PDCD1LG2: variants seen among roughly 807,000 people sequenced by gnomAD.
PDCD1LG2 encodes programmed cell death 1 ligand 2, also known as B7 dendritic cell molecule.
Under a neutral mutation model 28.2 loss-of-function variants are expected in PDCD1LG2, and 32 were observed. That is an observed-to-expected ratio of 1.13 (90% CI 0.86 to 1.52). The LOEUF (loss-of-function observed/expected upper bound fraction) is 1.52. PDCD1LG2 is among the 40% of genes most tolerant of loss of function. The pLI is 0.00. For missense variants in PDCD1LG2, 385 were observed against 323.8 expected, an observed-to-expected ratio of 1.19 and a Z score of -1.45; for synonymous variants, 116 against 120.2, an observed-to-expected ratio of 0.97 and a Z score of 0.23.
At chr9:5,537,951 T>C (rs543638260) in intron 3 of PDCD1LG2, among the ~76,000 whole-genome samples, 1 of 152,334 alleles carries the variant, frequency 6.6e-6, no homozygotes, top group African/African-American at 2.4e-5. Context: ...AAAGTTTTCA[T>C]TTCAATAGCT....
chr9:5,515,640 A>G (rs1820142336), intron 1 of PDCD1LG2, among the ~76,000 whole-genome samples: 1 of 152,272 alleles, frequency 6.6e-6, no homozygotes, highest in African/African-American at 2.4e-5. Context: ...GTGAGGAGAC[A>G]CAAGCCAGGC....
chr9:5,560,268 T>G (rs1233966418), intron 5 of PDCD1LG2, among the ~76,000 whole-genome samples: 2 of 152,208 alleles, frequency 1.3e-5, no homozygotes, highest in Non-Finnish European at 2.9e-5. Context: ...TGTCTCCCTC[T>G]TATAGCATGT....
intron 3 of PDCD1LG2, among the ~76,000 whole-genome samples, chr9:5,543,322 G>A (rs1176611229): frequency 2.6e-5 from 4 of 152,006 alleles, no homozygotes; most frequent in East Asian, 3.9e-4. Flanking sequence ...GGCAGATCAC[G>A]AGGTCAGGAG....
At chr9:5,531,430 T>C (rs906838618) in intron 2 of PDCD1LG2, among the ~76,000 whole-genome samples, 4 of 152,238 alleles carry the variant, frequency 2.6e-5, no homozygotes, top group Non-Finnish European at 4.4e-5. Flanking sequence ...TTCTAGGTAT[T>C]CTGAGCTATT....
intron 1 of PDCD1LG2, among the ~76,000 whole-genome samples, chr9:5,513,285 G>T (rs1398494167): frequency 6.6e-6 from 1 of 152,202 alleles, no homozygotes; most frequent in Admixed American, 6.5e-5. Flanking sequence ...AGTCAGCTAT[G>T]CACTGCCCTT....
At chr9:5,527,169 G>A (rs1257846820) in intron 2 of PDCD1LG2, among the ~76,000 whole-genome samples, 1 of 152,178 alleles carries the variant, frequency 6.6e-6, no homozygotes, top group Non-Finnish European at 1.5e-5. Context: ...ACATATGCAT[G>A]TTTAAATTTA....
chr9:5,550,281 G>T (rs890810928), intron 4 of PDCD1LG2, among the ~76,000 whole-genome samples: 2 of 152,142 alleles, frequency 1.3e-5, no homozygotes, highest in African/African-American at 4.8e-5. Context: ...CCATACTTTT[G>T]AACTTCATAC....
intron 2 of PDCD1LG2, among the ~76,000 whole-genome samples, chr9:5,527,769 C>G (rs549779264): frequency 6.6e-6 from 1 of 152,200 alleles, no homozygotes; most frequent in Non-Finnish European, 1.5e-5. Context: ...TTCATTCCCA[C>G]CAGCAAGTAT....
intron 2 of PDCD1LG2, among the ~76,000 whole-genome samples, chr9:5,533,642 C>G (rs1379243264): frequency 6.6e-6 from 1 of 152,106 alleles, no homozygotes; most frequent in Non-Finnish European, 1.5e-5. Flanking sequence ...AATAATTTAA[C>G]TCCCTTTAGG....
In PDCD1LG2 at chr9:5,549,565, C is replaced by G. The variant is rs1816283675; in HGVS notation, c.592C>G (p.His198Asp). The change falls in exon 4 of 7, where the codon CAC (histidine) becomes GAC (aspartate). Residue 198 changes from histidine (H) to aspartate (D), a missense_variant. Physicochemically the swap from His to Asp is moderately conservative, Grantham distance 81. Transcript: ENST00000397747. ...CTTCAGCTGTGTGTTCTGGAATACTCACGTGAGGGAACTTACTTTGGCCAG... is the reference window on the plus strand; with the variant it reads ...CTTCAGCTGTGTGTTCTGGAATACTGACGTGAGGGAACTTACTTTGGCCAG... Reference protein sequence around the residue: ...RNFSCVFWNTHVRELTLASID... With the variant: ...RNFSCVFWNTDVRELTLASID... The G allele has an allele frequency of 1.2e-6, 2 of 1,614,106 alleles. No individual in the cohort carries two copies. Among genetic ancestry groups the G allele is most frequent in the South Asian group, 1.1e-5 (1 of 91,088 alleles).
At position 5,527,922 on chromosome 9, in the gene PDCD1LG2, G is replaced by A. The variant is rs185660466; in HGVS notation, c.55+5321G>A. Among the ~76,000 whole-genome samples, 351 of 151,974 alleles carry A rather than the reference G, an allele frequency of 2.3e-3. 2 individuals are homozygous for A. The highest frequency in any genetic ancestry group is 8.3e-3 in the African/African-American group (342 of 41,442). The stretch of plus-strand genomic sequence containing the variant: ...TGGCTTACTGCAACCTCCGCCTCCC[G>A]GGTTCAGGCTATTCTCCTGCCTCAG... On this transcript the variant is annotated intron_variant, in intron 2 of 6. Coordinates refer to ENST00000397747, the MANE Select transcript of PDCD1LG2 (RefSeq NM_025239.4).
At chr9:5,532,462 T>C (rs934212901) in intron 2 of PDCD1LG2, among the ~76,000 whole-genome samples, 1 of 152,158 alleles carries the variant, frequency 6.6e-6, no homozygotes, top group Non-Finnish European at 1.5e-5. Context: ...AAAGCAGAGG[T>C]GAATATATAA....
At chr9:5,557,862 AG>A (rs1364588366) in intron 5 of PDCD1LG2, 110 bp downstream of exon 5, 90 of 1,347,792 alleles carry the variant, frequency 6.7e-5, no homozygotes, top group Non-Finnish European at 9.2e-5. Context: ...ACCCACTCAG[AG>A]CTTATGAACC....
At chr9:5,525,487 A>G (rs1447654778) in intron 2 of PDCD1LG2, among the ~76,000 whole-genome samples, 2 of 151,634 alleles carry the variant, frequency 1.3e-5, no homozygotes, top group Non-Finnish European at 2.9e-5. Flanking sequence ...TAGAGAAATC[A>G]TGGTATATTT....
Position 5,570,824 on chromosome 9 carries a change from C to G in PDCD1LG2, c.*865C>G, listed in dbSNP as rs75093564. 2 of 232,732 alleles carry G rather than the reference C, an allele frequency of 8.6e-6. No homozygotes were observed. The highest frequency in any genetic ancestry group is 1.7e-5 in the Non-Finnish European group (2 of 117,770). The allele number at this position is 232,732 out of a possible 1,614,324, so 14.4% of individuals were successfully genotyped here. A position where few individuals can be genotyped will look rare whatever the true frequency, so the allele number is the denominator to read the frequency against. ...CCAAACTAAGCCTCCTTTTCTGGCCCTCAATATGACTTTAAATTTGACTTT... is the reference window on the plus strand; with the variant it reads ...CCAAACTAAGCCTCCTTTTCTGGCCGTCAATATGACTTTAAATTTGACTTT... On this transcript the variant is annotated 3_prime_UTR_variant, in exon 7 of 7. Coordinates refer to ENST00000397747, the MANE Select transcript of PDCD1LG2 (RefSeq NM_025239.4).
At chr9:5,555,245 G>A (rs535674837) in intron 4 of PDCD1LG2, among the ~76,000 whole-genome samples, 13 of 152,048 alleles carry the variant, frequency 8.5e-5, no homozygotes, top group African/African-American at 2.7e-4. Flanking sequence ...GTGAAACCCC[G>A]TCTCTACTAA....
intron 4 of PDCD1LG2, among the ~76,000 whole-genome samples, chr9:5,551,376 G>C (rs889836987): frequency 6.6e-6 from 1 of 152,110 alleles, no homozygotes; most frequent in African/African-American, 2.4e-5. Flanking sequence ...TATTTAATTG[G>C]CAACCCCAGA....
At chr9:5,535,616 G>A (rs868640569) in intron 3 of PDCD1LG2, among the ~76,000 whole-genome samples, 7 of 152,106 alleles carry the variant, frequency 4.6e-5, no homozygotes, top group South Asian at 4.2e-4. Flanking sequence ...GTGTGTGTGC[G>A]TGTTGGGTCA....
chr9:5,521,341 C>T (rs780918548), intron 1 of PDCD1LG2, among the ~76,000 whole-genome samples: 1 of 152,086 alleles, frequency 6.6e-6, no homozygotes, highest in African/African-American at 2.4e-5. Context: ...ACCACAGAGT[C>T]GTGCACTTAA....
Sources: allele counts gnomAD v4.1 joint callset (sites outside exome capture counted in the v4.1 genomes callset), GRCh38; gene constraint gnomAD v4.1.1; transcripts MANE v1.5; gene names NCBI Gene and HGNC (gene_info 2026-07-23, HGNC 2026-07-21).